UNC93A: variants seen among roughly 807,000 people sequenced by gnomAD.
The protein encoded by UNC93A is N-acetylglucosamine transporter UNC93A.
Under a neutral mutation model 47.5 loss-of-function variants are expected in UNC93A, and 43 were observed. The ratio of observed to expected loss-of-function variants is 0.91; its 90% CI spans 0.71 to 1.17. The LOEUF is 1.17. UNC93A is among the 50% of genes most tolerant of loss of function. The pLI, the probability that UNC93A is intolerant of heterozygous loss-of-function variation, is 0.00. For missense variants in UNC93A, 605 were observed against 577.6 expected, an observed-to-expected ratio of 1.05 and a Z score of -0.49; for synonymous variants, 280 against 258.0, an observed-to-expected ratio of 1.09 and a Z score of -0.82.
In UNC93A at chr6:167,291,543, C is replaced by G; in HGVS notation, c.54C>G (p.Leu18=). The G allele has an allele frequency of 6.2e-7, 1 of 1,613,738 alleles. No individual in the cohort carries two copies. Among genetic ancestry groups the G allele is most frequent in the Non-Finnish European group, 8.5e-7 (1 of 1,179,862 alleles). ...TGGTTTCCTTTGGGTTCCTGCTTCT[C>G]TTTACAGCCTATGGAGGTCTGCAGA... ...VLVVSFGFLL[L]FTAYGGLQSL... is the part of the protein sequence containing the mutation. The change falls in exon 1 of 8, where the codon CTC becomes CTG. Residue 18 remains leucine (L), a synonymous_variant. Coordinates refer to ENST00000230256, the MANE Select transcript of UNC93A (RefSeq NM_018974.4).
chr6:167,277,937 G>C (rs1783571333), intron 1 of UNC93A, among the ~76,000 whole-genome samples: 1 of 152,080 alleles, frequency 6.6e-6, no homozygotes, highest in South Asian at 2.1e-4. Context: ...GAGCCACCAG[G>C]CGGGCTCCTG....
At chr6:167,277,157 A>G (rs1783557611) in intron 1 of UNC93A, among the ~76,000 whole-genome samples, 1 of 152,166 alleles carries the variant, frequency 6.6e-6, no homozygotes, top group Non-Finnish European at 1.5e-5. Flanking sequence ...AGCAGCTTGC[A>G]CCTTGTTGAC....
Position 167,281,190 on chromosome 6 carries a change from G to C in UNC93A, c.-52+9732G>C, listed in dbSNP as rs551900802. Among the ~76,000 whole-genome samples the C allele has an allele frequency of 5.9e-4, 89 of 151,644 alleles. 1 individual carries two copies. The South Asian group carries it at 0.018, about 30-fold the overall frequency. On this transcript the variant is annotated intron_variant, in intron 1 of 3. Coordinates refer to the UNC93A transcript ENST00000503433. ...GGTCATCCCACTGAGAGGAGCCCTA[G>C]AAGATCATCCCACTGAAAGGAGCCC...
At chr6:167,271,972 G>A (rs1255097666) in intron 1 of UNC93A, among the ~76,000 whole-genome samples, 1 of 152,158 alleles carries the variant, frequency 6.6e-6, no homozygotes, top group Non-Finnish European at 1.5e-5. Context: ...CTCCAGTGCT[G>A]TCTCCAGGCT....
Position 167,291,602 on chromosome 6 carries a change from C to T in UNC93A, c.87+26C>T, listed in dbSNP as rs773168445. The T allele has an allele frequency of 2.5e-6, 4 of 1,586,744 alleles. No individual in the cohort carries two copies. In the South Asian group the frequency reaches 4.7e-5, roughly 18 times the overall value. On this transcript the variant is annotated intron_variant, in intron 1 of 7. Transcript: ENST00000230256. Reference sequence around the variant, plus strand: ...GTATGTGTGTCCGGTCATCAAATTACCTGAACTTCTTGGCCTCCAAGAATC... The same window carrying T: ...GTATGTGTGTCCGGTCATCAAATTATCTGAACTTCTTGGCCTCCAAGAATC...
Position 167,303,998 on chromosome 6 carries a change from G to A in UNC93A, c.705G>A (p.Glu235=). 2 of 1,613,798 alleles carry A rather than the reference G, an allele frequency of 1.2e-6. No individual in the cohort carries two copies. The highest frequency in any genetic ancestry group is 1.7e-6 in the Non-Finnish European group (2 of 1,179,984). Residue 235 remains glutamate, a synonymous_variant, in exon 5 of 8, where the codon GAG becomes GAA. Coordinates refer to ENST00000230256, the MANE Select transcript of UNC93A (RefSeq NM_018974.4). ...IRDVQRESEG[E]KKSVPFWSTL... The stretch of plus-strand genomic sequence containing the variant: ...ATGTTCAGCGGGAAAGTGAAGGAGA[G>A]AAGAAATCAGTACCTTTCTGGTCCA...
At chr6:167,278,030 A>G (rs1414677949) in intron 1 of UNC93A, among the ~76,000 whole-genome samples, 3 of 152,108 alleles carry the variant, frequency 2.0e-5, no homozygotes. Flanking sequence ...TACCCACCCC[A>G]GGGACTTGAA....
At chr6:167,294,800 T>C in intron 2 of UNC93A, 102 bp downstream of exon 2, 1 of 1,321,602 alleles carries the variant, frequency 7.6e-7, no homozygotes, top group South Asian at 1.4e-5. Flanking sequence ...TACTGTTCAC[T>C]GCAGGCATTT....
chr6:167,289,402 T>C (rs888812945), upstream of UNC93A, among the ~76,000 whole-genome samples: 1 of 152,002 alleles, frequency 6.6e-6, no homozygotes, highest in African/African-American at 2.4e-5. Context: ...ACTGTTCATT[T>C]AAAAAAAATC....
Position 167,276,064 on chromosome 6 carries a change from C to CT in UNC93A, c.-52+4619dup, listed in dbSNP as rs59625593. Among the ~76,000 whole-genome samples the CT allele has an allele frequency of 3.3e-3, 455 of 139,580 alleles. 4 individuals are homozygous for CT. The highest frequency in any genetic ancestry group is 9.2e-3 in the Admixed American group (126 of 13,756). The allele number at this position is 139,580 out of a possible 152,430, so 91.6% of individuals were successfully genotyped here. A position where few individuals can be genotyped will look rare whatever the true frequency, so the allele number is the denominator to read the frequency against. On this transcript the variant is annotated intron_variant, in intron 1 of 3. Coordinates refer to the UNC93A transcript ENST00000503433. ...TGAGATCATTTTTTTCTTTTCTTTT[C>CT]TTTTTTTTTTTTTAGCTCACACATA...
intron 6 of UNC93A, 97 bp from the exon 7 acceptor site, chr6:167,307,682 G>A (rs1472996965): frequency 8.8e-6 from 13 of 1,472,942 alleles, no homozygotes; most frequent in African/African-American, 1.4e-5. Flanking sequence ...TCCAGAGGAC[G>A]GTTGAGATGG....
intron 6 of UNC93A, among the ~76,000 whole-genome samples, chr6:167,306,272 C>T (rs956815430): frequency 3.3e-5 from 5 of 152,200 alleles, no homozygotes; most frequent in Admixed American, 3.3e-4. Context: ...CTGTGCTCGG[C>T]ATGAGGCCAC....
intron 7 of UNC93A, among the ~76,000 whole-genome samples, chr6:167,313,582 A>G (rs1778613521): frequency 6.6e-6 from 1 of 152,212 alleles, no homozygotes; most frequent in South Asian, 2.1e-4. Flanking sequence ...TATAAATTTC[A>G]TCTTGAAATT....
At chr6:167,294,440 G>A (rs930059377) in intron 1 of UNC93A, 77 bp from the exon 2 acceptor site, 4 of 1,543,912 alleles carry the variant, frequency 2.6e-6, no homozygotes, top group Non-Finnish European at 3.5e-6. Flanking sequence ...CCAGCCTGGG[G>A]GACACTGAGG....
chr6:167,279,143 A>T (rs558921599), intron 1 of UNC93A, among the ~76,000 whole-genome samples: 1 of 152,208 alleles, frequency 6.6e-6, no homozygotes, highest in Non-Finnish European at 1.5e-5. Context: ...TGTTAAAAAG[A>T]ATGTGTTTCA....
chr6:167,278,661 G>A (rs1463848098), intron 1 of UNC93A, among the ~76,000 whole-genome samples: 1 of 152,124 alleles, frequency 6.6e-6, no homozygotes, highest in Non-Finnish European at 1.5e-5. Flanking sequence ...GAAACTCAGG[G>A]CTGCAAGTCT....
At chr6:167,303,735 C>G (rs993840798) in intron 4 of UNC93A, among the ~76,000 whole-genome samples, 184 bp from the exon 5 acceptor site, 2 of 152,056 alleles carry the variant, frequency 1.3e-5, no homozygotes, top group African/African-American at 4.8e-5. Context: ...ATCAGAGAAT[C>G]AGCACGATCA....
intron 6 of UNC93A, among the ~76,000 whole-genome samples, chr6:167,307,032 C>A (rs1054730450): frequency 6.6e-6 from 1 of 152,156 alleles, no homozygotes; most frequent in South Asian, 2.1e-4. Flanking sequence ...GTCCCCATGC[C>A]CCTACTTGGA....
At chr6:167,295,819 G>A (rs1778068883) in intron 2 of UNC93A, among the ~76,000 whole-genome samples, 3 of 152,194 alleles carry the variant, frequency 2.0e-5, no homozygotes, top group South Asian at 2.1e-4. Flanking sequence ...TTTCACTTTT[G>A]CAAATCAGTC....
Sources: allele counts gnomAD v4.1 joint callset (sites outside exome capture counted in the v4.1 genomes callset), GRCh38; gene constraint gnomAD v4.1.1; transcripts MANE v1.5; gene names NCBI Gene and HGNC (gene_info 2026-07-23, HGNC 2026-07-21).